Variants in BRCA1 observed in about 807,000 individuals in gnomAD.
The protein encoded by BRCA1 is BRCA1 DNA repair associated, also known as breast cancer type 1 susceptibility protein.
BRCA1 carries 140 observed loss-of-function variants against 173.7 expected under a neutral mutation model. The ratio of observed to expected loss-of-function variants is 0.81; its 90% confidence interval spans 0.70 to 0.93. The LOEUF (loss-of-function observed/expected upper bound fraction) is 0.93. Ranked by LOEUF, BRCA1 falls within the 40% of genes least tolerant of loss-of-function variation. BRCA1 has a pLI of 0.00. For missense variants in BRCA1, 1,983 were observed against 2,172.5 expected, an observed-to-expected ratio of 0.91 and a Z score of 1.73; for synonymous variants, 662 against 756.0, an observed-to-expected ratio of 0.88 and a Z score of 2.04.
In BRCA1 at chr17:43,104,147, T is replaced by A. The variant is rs786202213; in HGVS notation, c.416A>T (p.Gln139Leu). ...CAAGGAAGGATTTTCGGGTTCACTCTGTAGAAGTCTTTTGGCACGGTTTCT... is the reference window on the plus strand; with the variant it reads ...CAAGGAAGGATTTTCGGGTTCACTCAGTAGAAGTCTTTTGGCACGGTTTCT... ...GYRNRAKRLLQSEPENPSLQE... is the reference protein window; with the variant it reads ...GYRNRAKRLLLSEPENPSLQE... Residue 139 changes from glutamine to leucine, a missense_variant, in exon 6 of 23, where the codon CAG (glutamine) becomes CTG (leucine). By Grantham distance (113) the Gln-to-Leu change is moderately radical. Transcript: ENST00000357654. 1 of 1,614,066 alleles carries A rather than the reference T, an allele frequency of 6.2e-7. No individual in the cohort carries two copies. Among genetic ancestry groups the A allele is most frequent in the Non-Finnish European group, 8.5e-7 (1 of 1,179,980 alleles).
chr17:43,078,897 A>G (rs1300690006), intron 12 of BRCA1, among the ~76,000 whole-genome samples: 1 of 152,144 alleles, frequency 6.6e-6, no homozygotes, highest in African/African-American at 2.4e-5. Context: ...GGAATTAACC[A>G]TTGGAAAGAG....
intron 18 of BRCA1, among the ~76,000 whole-genome samples, chr17:43,060,009 G>C (rs1356734069): frequency 2.6e-5 from 4 of 152,146 alleles, no homozygotes; most frequent in Non-Finnish European, 1.5e-5. Flanking sequence ...GGGTTCAAGC[G>C]ATTCTCCTGC....
At chr17:43,064,028 C>G (rs764936673) in intron 16 of BRCA1, 77 bp from the exon 17 acceptor site, 3 of 1,317,718 alleles carry the variant, frequency 2.3e-6, no homozygotes, top group Non-Finnish European at 3.3e-6. Flanking sequence ...AGCTAAAGAG[C>G]CTCAGTTTTT....
intron 11 of BRCA1, among the ~76,000 whole-genome samples, chr17:43,086,105 T>TACACACAC (rs1385920078): frequency 1.3e-4 from 12 of 94,164 alleles, no homozygotes; most frequent in African/African-American, 6.6e-4. Flanking sequence ...TTTTATCACA[T>TACACACAC]ACATACACAC....
At chr17:43,062,927 G>T (rs777503339) in intron 18 of BRCA1, among the ~76,000 whole-genome samples, 2 of 149,818 alleles carry the variant, frequency 1.3e-5, no homozygotes, top group African/African-American at 2.5e-5. Flanking sequence ...TTTTGCTCTT[G>T]TTGCCCAGGT....
At chr17:43,145,037 C>T in intron 1 of BRCA1, 1 of 775,208 alleles carries the variant, frequency 1.3e-6, no homozygotes, top group South Asian at 1.3e-5. Flanking sequence ...GTCAGCTAAA[C>T]CTCCTGCAAA....
At chr17:43,070,866 A>T (rs2153798760) in intron 15 of BRCA1, 62 bp downstream of exon 15, 2 of 1,575,758 alleles carry the variant, frequency 1.3e-6, no homozygotes, top group Non-Finnish European at 1.7e-6. Flanking sequence ...TACCTACATA[A>T]AACTCTTTCC....
chr17:43,124,111 A>G lies in BRCA1; in HGVS notation c.-15T>C. On this transcript the variant is annotated 5_prime_UTR_variant, in exon 2 of 23. Coordinates refer to ENST00000357654, the MANE Select transcript of BRCA1 (RefSeq NM_007294.4). ...GATAAATCCATTTCTTTCTGTTCCA[A>G]TGAACTTTAACACATTAGAAAAACA... 1 of 1,595,240 alleles carries G rather than the reference A, an allele frequency of 6.3e-7. No individual in the cohort carries two copies. The highest frequency in any genetic ancestry group is 8.6e-7 in the Non-Finnish European group (1 of 1,163,008).
At chr17:43,100,655 AACATATATATATATATATATATAAT>A (rs2054394540) in intron 6 of BRCA1, among the ~76,000 whole-genome samples, 3 of 26,422 alleles carry the variant, frequency 1.1e-4, no homozygotes, top group Non-Finnish European at 1.7e-4. Context: ...ACATATATAT[AACATATATATATATATATATATAAT>A]ATATATATAT....
chr17:43,115,201 T>C (rs2055205960), intron 3 of BRCA1, among the ~76,000 whole-genome samples: 1 of 152,136 alleles, frequency 6.6e-6, no homozygotes, highest in African/African-American at 2.4e-5. Flanking sequence ...TGATGTTACA[T>C]CCTAATAGAT....
intron 6 of BRCA1, among the ~76,000 whole-genome samples, chr17:43,100,617 TAA>T (rs1491245326): frequency 1.3e-5 from 1 of 76,520 alleles, no homozygotes; most frequent in African/African-American, 6.1e-5. Flanking sequence ...AACATATATA[TAA>T]CATATATATA....
intron 8 of BRCA1, 36 bp from the exon 9 acceptor site, chr17:43,095,958 T>C: frequency 6.6e-7 from 1 of 1,509,152 alleles, no homozygotes; most frequent in Non-Finnish European, 9.2e-7. Context: ...TAAGAAACAC[T>C]AGTTACATGT....
chr17:43,065,604 C>T (rs2052034358), intron 16 of BRCA1, among the ~76,000 whole-genome samples: 1 of 152,184 alleles, frequency 6.6e-6, no homozygotes, highest in African/African-American at 2.4e-5. Flanking sequence ...GGGGAGGTTG[C>T]AGCAAGCCAA....
chr17:43,080,911 GA>G (rs1377153552), intron 12 of BRCA1, among the ~76,000 whole-genome samples: 5 of 151,800 alleles, frequency 3.3e-5, no homozygotes, highest in Non-Finnish European at 7.4e-5. Flanking sequence ...TTAAAGAAAA[GA>G]AAAAATTATT....
At chr17:43,123,190 C>T (rs1038804054) in intron 2 of BRCA1, among the ~76,000 whole-genome samples, 6 of 151,834 alleles carry the variant, frequency 4.0e-5, no homozygotes, top group Non-Finnish European at 5.9e-5. Flanking sequence ...TGTGATAGCA[C>T]CACTGCACTC....
At chr17:43,140,530 CT>C (rs2056068088) in intron 1 of BRCA1, among the ~76,000 whole-genome samples, 2 of 152,160 alleles carry the variant, frequency 1.3e-5, no homozygotes, top group South Asian at 4.1e-4. Flanking sequence ...TAGGGCTTCT[CT>C]GCCTTTGTAG....
At chr17:43,079,926 T>G (rs2052926443) in intron 12 of BRCA1, 2 of 619,986 alleles carry the variant, frequency 3.2e-6, no homozygotes, top group Non-Finnish European at 5.6e-6. Flanking sequence ...TTGTTAGAAG[T>G]TAACAACTCA....
chr17:43,147,478 C>T (rs1045754405), intron 1 of BRCA1, among the ~76,000 whole-genome samples: 20 of 152,218 alleles, frequency 1.3e-4, no homozygotes, highest in South Asian at 4.2e-4. Flanking sequence ...CGTGAGCCAC[C>T]GTGCCCGGCA....
At chr17:43,050,917 T>G (rs1272134622) in intron 20 of BRCA1, 146 bp downstream of exon 20, 1 of 804,522 alleles carries the variant, frequency 1.2e-6, no homozygotes, top group East Asian at 2.7e-5. Context: ...AGGTGCTGTT[T>G]TGTTTGGAGA....
Sources: gnomAD v4.1 joint callset for allele counts (sites outside exome capture counted in the v4.1 genomes callset) on GRCh38, gnomAD v4.1.1 for gene constraint, MANE v1.5 for transcripts, NCBI Gene and HGNC (gene_info 2026-07-23, HGNC 2026-07-21) for gene names.